The following CNTN5 variants were observed in gnomAD, a reference collection of about 807,000 sequenced individuals.
The protein encoded by CNTN5 is contactin-5.
CNTN5 carries 77 observed loss-of-function variants against 129.1 expected under a neutral mutation model. That is an observed-to-expected ratio of 0.60 (90% CI 0.50 to 0.72). The LOEUF is 0.72. CNTN5 is among the 30% of genes least tolerant of loss of function. The pLI is 0.00. For missense variants in CNTN5, 1,478 were observed against 1,328.8 expected, an observed-to-expected ratio of 1.11 and a Z score of -1.75; for synonymous variants, 509 against 465.6, an observed-to-expected ratio of 1.09 and a Z score of -1.20.
intron 13 of CNTN5, among the ~76,000 whole-genome samples, chr11:100,140,809 A>C (rs1946675797): frequency 6.6e-6 from 1 of 152,196 alleles, no homozygotes; most frequent in South Asian, 2.1e-4. Flanking sequence ...GAAGAAGGTT[A>C]CTATATAATT....
intron 1 of CNTN5, among the ~76,000 whole-genome samples, chr11:99,186,308 C>T (rs1203272275): frequency 6.6e-6 from 1 of 151,898 alleles, no homozygotes; most frequent in Admixed American, 6.6e-5. Context: ...CACATTATAG[C>T]ACTCATACCT....
chr11:100,259,725 T>C (rs1950157393), intron 17 of CNTN5, among the ~76,000 whole-genome samples: 1 of 151,210 alleles, frequency 6.6e-6, no homozygotes, highest in African/African-American at 2.4e-5. Context: ...AAGGCAGAAA[T>C]AAATAAGTTC....
At chr11:99,935,542 G>A (rs970822295) in intron 7 of CNTN5, among the ~76,000 whole-genome samples, 2 of 151,970 alleles carry the variant, frequency 1.3e-5, no homozygotes, top group East Asian at 3.9e-4. Context: ...GCTTTGCAAT[G>A]AACATTAATA....
chr11:99,475,468 T>A (rs1945335402), intron 2 of CNTN5, among the ~76,000 whole-genome samples: 1 of 152,198 alleles, frequency 6.6e-6, no homozygotes, highest in Non-Finnish European at 1.5e-5. Flanking sequence ...CTGAAAACAG[T>A]CATTTATTTA....
chr11:99,525,901 A>G (rs527283978), intron 2 of CNTN5, among the ~76,000 whole-genome samples: 1 of 152,368 alleles, frequency 6.6e-6, no homozygotes, highest in African/African-American at 2.4e-5. Context: ...TTTGAAAGGC[A>G]CAAAACAAAC....
intron 3 of CNTN5, among the ~76,000 whole-genome samples, chr11:99,793,452 T>C (rs914554899): frequency 6.6e-6 from 1 of 152,148 alleles, no homozygotes; most frequent in Non-Finnish European, 1.5e-5. Flanking sequence ...TCAGCTCTGA[T>C]TTTATTTCTT....
intron 3 of CNTN5, among the ~76,000 whole-genome samples, chr11:99,803,731 A>G (rs1145386): frequency 0.59 from 89,401 of 152,006 alleles, 26,864 homozygotes; most frequent in East Asian, 0.72. Flanking sequence ...TTCCATTGGA[A>G]AGGTGAATCA....
chr11:99,630,020 C>T (rs543513472), intron 3 of CNTN5, among the ~76,000 whole-genome samples: 25 of 151,312 alleles, frequency 1.7e-4, no homozygotes, highest in Admixed American at 8.6e-4. Context: ...TGGATTTACA[C>T]GGTGGGAGAT....
intron 13 of CNTN5, among the ~76,000 whole-genome samples, chr11:100,127,549 T>A (rs766988760): frequency 5.3e-5 from 8 of 152,018 alleles, no homozygotes; most frequent in Non-Finnish European, 1.2e-4. Context: ...GATGTATAAT[T>A]ATTTTTCTAT....
chr11:99,942,842 A>C (rs955881271), intron 7 of CNTN5, among the ~76,000 whole-genome samples: 1 of 151,902 alleles, frequency 6.6e-6, no homozygotes, highest in African/African-American at 2.4e-5. Context: ...CCATGTCCCT[A>C]CAAAGGACAT....
At chr11:99,966,626 T>G (rs1487103995) in intron 8 of CNTN5, among the ~76,000 whole-genome samples, 1 of 152,206 alleles carries the variant, frequency 6.6e-6, no homozygotes, top group African/African-American at 2.4e-5. Context: ...TACATGAACC[T>G]GGTTGCAGTA....
At chr11:100,155,447 G>A (rs1012571400) in intron 13 of CNTN5, among the ~76,000 whole-genome samples, 2 of 152,124 alleles carry the variant, frequency 1.3e-5, no homozygotes, top group South Asian at 2.1e-4. Flanking sequence ...TTTGAAGTCC[G>A]AGAGCATGAT....
intron 1 of CNTN5, among the ~76,000 whole-genome samples, chr11:99,302,518 A>G (rs73000274): frequency 0.15 from 22,107 of 151,742 alleles, 1,832 homozygotes; most frequent in South Asian, 0.26. Flanking sequence ...ATTTTTATTG[A>G]TACATAATAC....
chr11:99,062,101 G>C (rs1330536420), intron 1 of CNTN5, among the ~76,000 whole-genome samples: 1 of 152,070 alleles, frequency 6.6e-6, no homozygotes, highest in East Asian at 1.9e-4. Flanking sequence ...TTGTAGTGGA[G>C]TTATTCAAGA....
chr11:99,504,339 G>T (rs541516689), intron 2 of CNTN5, among the ~76,000 whole-genome samples: 1 of 152,002 alleles, frequency 6.6e-6, no homozygotes, highest in African/African-American at 2.4e-5. Flanking sequence ...GCAGGAGATC[G>T]AGACCATCAT....
intron 3 of CNTN5, among the ~76,000 whole-genome samples, chr11:99,770,870 C>A (rs2135334061): frequency 6.6e-6 from 1 of 152,004 alleles, no homozygotes; most frequent in East Asian, 1.9e-4. Flanking sequence ...GAAAAAAGAG[C>A]AAAGCTGGAG....
intron 9 of CNTN5, among the ~76,000 whole-genome samples, chr11:100,015,021 A>G (rs1940748685): frequency 6.6e-6 from 1 of 152,106 alleles, no homozygotes; most frequent in Non-Finnish European, 1.5e-5. Flanking sequence ...CTTCCTTTTT[A>G]TCATCATCTG....
chr11:99,511,060 TA>T (rs1382722476), intron 2 of CNTN5, among the ~76,000 whole-genome samples: 1 of 151,396 alleles, frequency 6.6e-6, no homozygotes, highest in Non-Finnish European at 1.5e-5. Context: ...GTTTTTAATT[TA>T]AAAAGCGTAA....
chr11:99,845,025 C>T, intron 5 of CNTN5, 50 bp downstream of exon 5: 2 of 1,608,194 alleles, frequency 1.2e-6, no homozygotes, highest in East Asian at 2.2e-5. Context: ...AACTTTCCAT[C>T]AATGATATTC....
Sources: gnomAD v4.1 joint callset for allele counts (sites outside exome capture counted in the v4.1 genomes callset) on GRCh38, gnomAD v4.1.1 for gene constraint, MANE v1.5 for transcripts, NCBI Gene and HGNC (gene_info 2026-07-23, HGNC 2026-07-21) for gene names.